The following CWC22 variants were observed in gnomAD, a reference collection of about 807,000 sequenced individuals.
CWC22 encodes CWC22 spliceosome associated protein.
CWC22 carries 53 observed loss-of-function variants against 117.2 expected under a neutral mutation model. The ratio of observed to expected loss-of-function variants is 0.45; its 90% CI spans 0.36 to 0.57. The LOEUF is 0.57. CWC22 is among the 20% of genes least tolerant of loss of function. The pLI is 0.00. For missense variants in CWC22, 980 were observed against 1,068.8 expected (o/e 0.92, Z 1.16); for synonymous variants, 360 against 355.6 (o/e 1.01, Z -0.14).
At chr2:179,988,120 CG>C (rs1246184450) in intron 3 of CWC22, among the ~76,000 whole-genome samples, 30 of 152,148 alleles carry the variant, frequency 2.0e-4, no homozygotes, top group African/African-American at 7.0e-4. Context: ...GGAGCTCAGG[CG>C]GGAATGCTGG....
intron 19 of CWC22, among the ~76,000 whole-genome samples, chr2:179,948,396 G>A (rs35896859): frequency 0.26 from 22,063 of 84,356 alleles, 1,963 homozygotes; most frequent in Admixed American, 0.4. Flanking sequence ...ACCATTAGGT[G>A]ATTTTTTAAC....
chr2:179,995,333 A>G lies in CWC22; in HGVS notation c.-113-1879T>C, dbSNP rs559124585. Among the ~76,000 whole-genome samples, 311 of 152,332 alleles carry G rather than the reference A, an allele frequency of 2.0e-3. 2 individuals are homozygous for G. The highest frequency in any genetic ancestry group is 7.0e-3 in the African/African-American group (291 of 41,582). On this transcript the variant is annotated intron_variant, in intron 1 of 19. Transcript: ENST00000410053. ...ACACTTCATAAAATCAGACTCTGTG[A>G]TGGTAGCAGAGAGGAGAGGCATGCC...
At chr2:179,964,777 T>C (rs1049635847) in intron 12 of CWC22, 149 bp from the exon 13 acceptor site, 1 of 547,754 alleles carries the variant, frequency 1.8e-6, no homozygotes, top group Non-Finnish European at 3.2e-6. Flanking sequence ...TTAGTATTTA[T>C]AGAATTGAAA....
chr2:179,998,083 G>A (rs1687753466), intron 1 of CWC22, among the ~76,000 whole-genome samples: 1 of 152,134 alleles, frequency 6.6e-6, no homozygotes, highest in Admixed American at 6.5e-5. Context: ...TTTTATGAAA[G>A]TATTCCCAAG....
At chr2:179,989,554 G>A (rs984810998) in intron 2 of CWC22, among the ~76,000 whole-genome samples, 1 of 151,996 alleles carries the variant, frequency 6.6e-6, no homozygotes, top group African/African-American at 2.4e-5. Flanking sequence ...CTAGGGACTC[G>A]AACAACATTA....
At position 179,954,866 on chromosome 2, in the gene CWC22, T is replaced by G; in HGVS notation, c.1536+91A>C. ...AATTTGCTTTTAGCAAAAGTGGTAA[T>G]ATGTTTTTAAATGAGACCAGACCAT... On this transcript the variant is annotated intron_variant, in intron 15 of 19. Transcript: ENST00000410053. 5 of 795,750 alleles carry G rather than the reference T, an allele frequency of 6.3e-6. No homozygotes were observed. The South Asian group carries it at 8.0e-5, about 13-fold the overall frequency. The allele number at this position is 795,750 out of a possible 1,614,324, so 49.3% of individuals were successfully genotyped here. A position where few individuals can be genotyped will look rare whatever the true frequency, so the allele number is the denominator to read the frequency against.
intron 6 of CWC22, among the ~76,000 whole-genome samples, chr2:179,974,767 G>A (rs1329692013): frequency 6.6e-6 from 1 of 151,934 alleles, no homozygotes; most frequent in African/African-American, 2.4e-5. Flanking sequence ...GAGAGGTTGG[G>A]GAGAGACAGG....
chr2:179,972,665 T>G (rs1687060830), intron 8 of CWC22, among the ~76,000 whole-genome samples: 1 of 152,214 alleles, frequency 6.6e-6, no homozygotes, highest in African/African-American at 2.4e-5. Flanking sequence ...CAGATTAATT[T>G]GATAAATATC....
At chr2:179,988,713 G>A in intron 2 of CWC22, 69 bp from the exon 3 acceptor site, 1 of 772,426 alleles carries the variant, frequency 1.3e-6, no homozygotes, top group Non-Finnish European at 2.0e-6. Context: ...TGAAATACAT[G>A]GCTTAGAAAG....
chr2:180,003,131 T>G (rs942039734), intron 1 of CWC22, among the ~76,000 whole-genome samples: 1 of 152,226 alleles, frequency 6.6e-6, no homozygotes, highest in Non-Finnish European at 1.5e-5. Flanking sequence ...TTGTCTCACC[T>G]ATTAACTCCT....
chr2:179,983,570 A>G (rs915779778), intron 4 of CWC22, among the ~76,000 whole-genome samples: 1 of 152,184 alleles, frequency 6.6e-6, no homozygotes, highest in Non-Finnish European at 1.5e-5. Context: ...GCTGTGATAA[A>G]TATACACATG....
At chr2:179,984,392 C>T (rs1171896720) in intron 4 of CWC22, among the ~76,000 whole-genome samples, 1 of 151,982 alleles carries the variant, frequency 6.6e-6, no homozygotes. Context: ...AAGGTGACAG[C>T]AGACAAGCCT....
chr2:179,993,867 T>C (rs1687633233), intron 1 of CWC22, among the ~76,000 whole-genome samples: 1 of 152,138 alleles, frequency 6.6e-6, no homozygotes, highest in South Asian at 2.1e-4. Flanking sequence ...CCAATGTTTC[T>C]ACACAGACTA....
In CWC22 at chr2:179,981,801, G is replaced by T. The variant is rs762856572; in HGVS notation, c.403C>A (p.Pro135Thr). ...LLTRTGGAYIPPAKLRMMQEQ... is the reference protein window; with the variant it reads ...LLTRTGGAYITPAKLRMMQEQ... ...TGCATCATCCTGAGCTTTGCAGGGG[G>T]AATATATGCTCCACCAGTGCGAGTA... Residue 135 changes from proline (P) to threonine (T), a missense_variant, in exon 5 of 20, where the codon CCC (proline) becomes ACC (threonine). Pro to Thr is a conservative substitution (Grantham distance 38, BLOSUM62 -1). Transcript: ENST00000410053. 3 of 1,613,754 alleles carry T rather than the reference G, an allele frequency of 1.9e-6. No homozygotes were observed. The African/African-American group carries it at 4.0e-5, about 22-fold the overall frequency.
chr2:179,968,471 C>T (rs1400280710), intron 11 of CWC22, among the ~76,000 whole-genome samples: 1 of 151,722 alleles, frequency 6.6e-6, no homozygotes, highest in Non-Finnish European at 1.5e-5. Flanking sequence ...CCCATTAGGC[C>T]AGACAGTAAA....
At chr2:179,988,184 G>A (rs575523496) in intron 3 of CWC22, among the ~76,000 whole-genome samples, 1 of 152,062 alleles carries the variant, frequency 6.6e-6, no homozygotes, top group Non-Finnish European at 1.5e-5. Context: ...TGGGGGTTGG[G>A]GACCCCTGTT....
intron 5 of CWC22, among the ~76,000 whole-genome samples, chr2:179,981,324 T>C (rs1687280180): frequency 6.6e-6 from 1 of 152,154 alleles, no homozygotes; most frequent in East Asian, 1.9e-4. Flanking sequence ...CAGTGTAAAA[T>C]ATTTACAGTG....
At chr2:179,986,614 T>C in intron 4 of CWC22, 81 bp downstream of exon 4, 1 of 745,790 alleles carries the variant, frequency 1.3e-6, no homozygotes. Flanking sequence ...CTAGTATTAT[T>C]TTTGTTTTTA....
intron 19 of CWC22, among the ~76,000 whole-genome samples, chr2:179,947,171 C>T (rs1686331823): frequency 6.6e-6 from 1 of 152,126 alleles, no homozygotes; most frequent in African/African-American, 2.4e-5. Context: ...CCTAATTCTA[C>T]CTAAATCTCA....
Sources: gnomAD v4.1 joint callset for allele counts (sites outside exome capture counted in the v4.1 genomes callset) on GRCh38, gnomAD v4.1.1 for gene constraint, MANE v1.5 for transcripts, NCBI Gene and HGNC (gene_info 2026-07-23, HGNC 2026-07-21) for gene names.